The following AGBL3 variants were observed in gnomAD, a reference collection of about 807,000 sequenced individuals.
AGBL3 encodes the protein AGBL carboxypeptidase 3.
In AGBL3, 68 loss-of-function variants were observed where a neutral mutation model predicts 94.5. That is an observed-to-expected ratio of 0.72 (90% CI 0.59 to 0.88). AGBL3 has a LOEUF of 0.88. Among genes scored for constraint, AGBL3 ranks in the 40% least tolerant of loss-of-function variants. AGBL3 has a pLI of 0.00. For synonymous variants in AGBL3, 354 were observed against 370.7 expected (o/e 0.95, Z 0.52); for missense variants, 934 against 1,103.8 (o/e 0.85, Z 2.18).
intron 15 of AGBL3, among the ~76,000 whole-genome samples, chr7:135,107,704 G>T (rs1824958515): frequency 6.6e-6 from 1 of 152,148 alleles, no homozygotes; most frequent in Admixed American, 6.5e-5. Context: ...GATTTAGGAT[G>T]GAGAGTTCTG....
intron 3 of AGBL3, among the ~76,000 whole-genome samples, chr7:134,993,031 T>C (rs936847457): frequency 6.6e-6 from 1 of 152,194 alleles, no homozygotes; most frequent in African/African-American, 2.4e-5. Flanking sequence ...CTATGTGAAT[T>C]GTGTTCCTGG....
intron 12 of AGBL3, among the ~76,000 whole-genome samples, chr7:135,059,573 T>A (rs1047374172): frequency 6.6e-6 from 1 of 152,202 alleles, no homozygotes; most frequent in Admixed American, 6.5e-5. Context: ...GCTACAACTA[T>A]GTATCAGGCA....
chr7:135,120,184 C>T (rs904299042), intron 16 of AGBL3, among the ~76,000 whole-genome samples: 5 of 151,958 alleles, frequency 3.3e-5, no homozygotes, highest in South Asian at 2.1e-4. Context: ...AGAAAGAATA[C>T]GGTAAGCAAA....
chr7:134,995,514 G>C (rs1201570708), intron 4 of AGBL3: 1 of 152,202 alleles, frequency 6.6e-6, no homozygotes, highest in Non-Finnish European at 1.5e-5. Flanking sequence ...CACTGTTACT[G>C]CTGAGGTTCT....
At chr7:135,062,972 A>T (rs1191854782) in intron 12 of AGBL3, among the ~76,000 whole-genome samples, 1 of 152,162 alleles carries the variant, frequency 6.6e-6, no homozygotes, top group Non-Finnish European at 1.5e-5. Context: ...AGAATTCAGC[A>T]GTCAAACCAT....
chr7:135,123,196 A>G (rs558872743), intron 16 of AGBL3, among the ~76,000 whole-genome samples: 204 of 152,330 alleles, frequency 1.3e-3, no homozygotes, highest in African/African-American at 4.8e-3. Flanking sequence ...TTAGAGAGGA[A>G]CATAAATGAC....
At chr7:135,091,453 T>A (rs1000880818) in intron 15 of AGBL3, among the ~76,000 whole-genome samples, 3 of 152,204 alleles carry the variant, frequency 2.0e-5, no homozygotes, top group Non-Finnish European at 2.9e-5. Context: ...TTTTTTATCA[T>A]GTTTGGTTGA....
intron 16 of AGBL3, chr7:135,128,987 T>C (rs1828346339): frequency 1.9e-6 from 3 of 1,592,416 alleles, no homozygotes; most frequent in Non-Finnish European, 2.6e-6. Context: ...AGTGCAGGCA[T>C]GTGTACTGCA....
chr7:135,080,386 T>C, intron 14 of AGBL3, 126 bp downstream of exon 14: 1 of 703,168 alleles, frequency 1.4e-6, no homozygotes. Context: ...TATGATACCA[T>C]TTCTTCCCTG....
chr7:135,102,597 T>G (rs974114546), intron 15 of AGBL3, among the ~76,000 whole-genome samples: 2 of 111,630 alleles, frequency 1.8e-5, no homozygotes, highest in African/African-American at 3.0e-5. Context: ...ACTTTCAGTA[T>G]GAGAGAACTT....
chr7:135,107,907 A>G (rs1260810108), intron 15 of AGBL3, among the ~76,000 whole-genome samples: 1 of 152,112 alleles, frequency 6.6e-6, no homozygotes, highest in Non-Finnish European at 1.5e-5. Flanking sequence ...TGTTGGGTAC[A>G]TATATATTTA....
intron 11 of AGBL3, among the ~76,000 whole-genome samples, chr7:135,054,509 A>C (rs1818161665): frequency 6.6e-6 from 1 of 152,212 alleles, no homozygotes; most frequent in Non-Finnish European, 1.5e-5. Flanking sequence ...CACTAGGACA[A>C]ACAATATTTT....
chr7:135,060,776 A>G (rs1342551399), intron 12 of AGBL3, among the ~76,000 whole-genome samples: 2 of 152,076 alleles, frequency 1.3e-5, no homozygotes, highest in Non-Finnish European at 2.9e-5. Context: ...TACATACCAC[A>G]TTTTCTTTAT....
At chr7:134,999,513 C>T (rs1275008695) in intron 4 of AGBL3, among the ~76,000 whole-genome samples, 1 of 152,200 alleles carries the variant, frequency 6.6e-6, no homozygotes, top group Non-Finnish European at 1.5e-5. Context: ...TTCATGGACC[C>T]ACATGCCCAC....
intron 16 of AGBL3, among the ~76,000 whole-genome samples, chr7:135,134,323 A>T (rs1370646512): frequency 1.3e-5 from 2 of 152,156 alleles, no homozygotes; most frequent in African/African-American, 4.8e-5. Context: ...ATGGTTAAAA[A>T]ATGGAATGCT....
chr7:135,073,499 T>C (rs1166286951), intron 12 of AGBL3, among the ~76,000 whole-genome samples: 1 of 141,742 alleles, frequency 7.1e-6, no homozygotes, highest in Non-Finnish European at 1.5e-5. Flanking sequence ...AATAAATAAA[T>C]AAATAAATAA....
chr7:135,075,256 A>T (rs1399078677), intron 12 of AGBL3, among the ~76,000 whole-genome samples: 4 of 152,158 alleles, frequency 2.6e-5, no homozygotes, highest in Non-Finnish European at 1.5e-5. Flanking sequence ...GGCAACCACA[A>T]ATCTGTTCCG....
At chr7:135,066,070 T>C (rs1819269410) in intron 12 of AGBL3, among the ~76,000 whole-genome samples, 1 of 152,074 alleles carries the variant, frequency 6.6e-6, no homozygotes, top group Non-Finnish European at 1.5e-5. Context: ...ATCTTGACAA[T>C]AATTTCACGG....
Position 135,034,149 on chromosome 7 carries a change from G to T in AGBL3, c.558G>T (p.Val186=). The change falls in exon 7 of 17, where the codon GTG becomes GTT. Residue 186 remains valine (V), a splice_region_variant and synonymous_variant. Coordinates refer to ENST00000436302, the MANE Select transcript of AGBL3 (RefSeq NM_178563.4). ...TTTCCCTTTCTTTCTTGTGTATTAGGGCAGAATACGAATACCAATTGACTG... is the reference window on the plus strand; with the variant it reads ...TTTCCCTTTCTTTCTTGTGTATTAGTGCAGAATACGAATACCAATTGACTG... ...ESGNLQKVVK[V]AEYEYQLTVR... The T allele has an allele frequency of 6.6e-7, 1 of 1,523,042 alleles. No homozygotes were observed. The highest frequency in any genetic ancestry group is 8.8e-7 in the Non-Finnish European group (1 of 1,131,334). 94.3% of individuals were successfully genotyped at this position (1,523,042 alleles called of 1,614,324 possible). A position where few individuals can be genotyped will look rare whatever the true frequency, so the allele number is the denominator to read the frequency against.
Sources: gnomAD v4.1 joint callset for allele counts (sites outside exome capture counted in the v4.1 genomes callset) on GRCh38, gnomAD v4.1.1 for gene constraint, MANE v1.5 for transcripts, NCBI Gene and HGNC (gene_info 2026-07-23, HGNC 2026-07-21) for gene names.